The following RNF135 variants were observed in gnomAD, a reference collection of about 807,000 sequenced individuals.
RNF135 encodes the protein ring finger protein 135, also known as E3 ubiquitin-protein ligase RNF135.
RNF135 carries 46 observed loss-of-function variants against 41.9 expected under a neutral mutation model. The ratio of observed to expected loss-of-function variants is 1.10; its 90% CI spans 0.87 to 1.40. RNF135 has a LOEUF of 1.40. Among genes scored for constraint, RNF135 ranks in the 40% most tolerant of loss-of-function variants. RNF135 has a pLI of 0.00. For synonymous variants in RNF135, 238 were observed against 223.8 expected, an observed-to-expected ratio of 1.06 and a Z score of -0.57; for missense variants, 539 against 549.8, an observed-to-expected ratio of 0.98 and a Z score of 0.20.
At chr17:30,993,528 T>C (rs1408215463) in intron 3 of RNF135, among the ~76,000 whole-genome samples, 1 of 152,114 alleles carries the variant, frequency 6.6e-6, no homozygotes, top group East Asian at 1.9e-4. Flanking sequence ...AAGTAAGATT[T>C]GTGTAGTGCC....
the RNF135 span, among the ~76,000 whole-genome samples, chr17:30,962,797 G>C: frequency 6.6e-6 from 1 of 151,978 alleles, no homozygotes; most frequent in Admixed American, 6.6e-5. Flanking sequence ...CAAGAACCAG[G>C]GTATCACAAT....
chr17:30,988,088 C>T lies in RNF135; in HGVS notation c.661C>T (p.Pro221Ser), dbSNP rs1299866153. Residue 221 changes from proline to serine, a missense_variant, in exon 3 of 5, where the codon CCT (proline) becomes TCT (serine). Physicochemically the swap from Pro to Ser is moderately conservative, Grantham distance 74. Coordinates refer to ENST00000328381, the MANE Select transcript of RNF135 (RefSeq NM_032322.4). ...AGAAAGCGTCACCTGGAAAGAGGCTCCTGAAGCACAAATGCAGGGTGAGCT... is the reference window on the plus strand; with the variant it reads ...AGAAAGCGTCACCTGGAAAGAGGCTTCTGAAGCACAAATGCAGGGTGAGCT... ...LQESVTWKEA[P>S]EAQMQGELLE... 4 of 1,613,972 alleles carry T rather than the reference C, an allele frequency of 2.5e-6. No individual in the cohort carries two copies. The Admixed American group carries it at 6.7e-5, about 27-fold the overall frequency.
intron 3 of RNF135, chr17:30,993,746 C>A: frequency 2.1e-6 from 2 of 947,934 alleles, no homozygotes; most frequent in East Asian, 2.7e-5. Flanking sequence ...TTTGCAAATG[C>A]TTTTTAAAAA....
chr17:30,998,605 A>T, intron 4 of RNF135, 57 bp from the exon 5 acceptor site: 2 of 1,561,550 alleles, frequency 1.3e-6, no homozygotes, highest in Non-Finnish European at 1.8e-6. Context: ...ACTTCTTAGC[A>T]TGGACCATCA....
intron 4 of RNF135, among the ~76,000 whole-genome samples, chr17:30,998,404 A>G (rs987963824): frequency 6.6e-6 from 1 of 152,224 alleles, no homozygotes; most frequent in African/African-American, 2.4e-5. Flanking sequence ...ATAAATAAAT[A>G]TAATAAGTGT....
chr17:30,999,503 C>T lies in RNF135; in HGVS notation c.*312C>T. ...CTGGACATTCCAAATAAAGAATAGGCCCCTGCCTGGCTCCTGGGAGATAAC... is the reference window on the plus strand; with the variant it reads ...CTGGACATTCCAAATAAAGAATAGGTCCCTGCCTGGCTCCTGGGAGATAAC... On this transcript the variant is annotated 3_prime_UTR_variant, in exon 5 of 5. Transcript: ENST00000328381. 1 of 372,644 alleles carries T rather than the reference C, an allele frequency of 2.7e-6. No homozygotes were observed. Among genetic ancestry groups the T allele is most frequent in the Non-Finnish European group, 5.1e-6 (1 of 195,366 alleles). The allele number at this position is 372,644 out of a possible 1,614,324, so 23.1% of individuals were successfully genotyped here. A position where few individuals can be genotyped will look rare whatever the true frequency, so the allele number is the denominator to read the frequency against.
chr17:30,991,338 G>A (rs536226749), intron 3 of RNF135, among the ~76,000 whole-genome samples: 1 of 151,904 alleles, frequency 6.6e-6, no homozygotes, highest in African/African-American at 2.4e-5. Flanking sequence ...CCTCCAGCCT[G>A]GGCAACAAGA....
At chr17:30,963,270 T>C in the RNF135 span, among the ~76,000 whole-genome samples, 1 of 151,696 alleles carries the variant, frequency 6.6e-6, no homozygotes, top group Non-Finnish European at 1.5e-5. Context: ...CACAGTGCCC[T>C]GCTTGCCTTT....
At position 30,993,270 on chromosome 17, in the gene RNF135, G is replaced by T. The variant is rs562715088; in HGVS notation, c.680-3972G>T. Among the ~76,000 whole-genome samples the T allele has an allele frequency of 4.6e-5, 7 of 152,066 alleles. No individual in the cohort carries two copies. In the East Asian group the frequency reaches 7.7e-4, roughly 17 times the overall value. On this transcript the variant is annotated intron_variant, in intron 3 of 4. Coordinates refer to ENST00000328381, the MANE Select transcript of RNF135 (RefSeq NM_032322.4). Reference sequence around the variant, plus strand: ...GAGATGGGGTTTCGCCATGTTGGCCGGGCTGGTCTTGAACTCCTGACCTCA... The same window carrying T: ...GAGATGGGGTTTCGCCATGTTGGCCTGGCTGGTCTTGAACTCCTGACCTCA...
upstream of RNF135, chr17:30,968,840 C>T (rs1415609324): frequency 1.3e-5 from 2 of 152,158 alleles, no homozygotes; most frequent in Non-Finnish European, 2.9e-5. Flanking sequence ...CAGGGAGGCT[C>T]AGGTCAAAGG....
chr17:30,977,789 G>A (rs762980019), intron 1 of RNF135, among the ~76,000 whole-genome samples: 1 of 152,116 alleles, frequency 6.6e-6, no homozygotes, highest in Non-Finnish European at 1.5e-5. Flanking sequence ...GGCTAGTCTC[G>A]AACTCCTGAC....
intron 1 of RNF135, chr17:30,978,809 C>G (rs1906693010): frequency 7.9e-6 from 1 of 126,634 alleles, no homozygotes; most frequent in Admixed American, 8.3e-5. Flanking sequence ...GGTGATGACT[C>G]TTAACGAGCA....
At chr17:30,971,677 A>G (rs1905966651) in intron 1 of RNF135, 2 of 1,341,498 alleles carry the variant, frequency 1.5e-6, no homozygotes, top group Non-Finnish European at 9.5e-7. Flanking sequence ...TAGCTGTTAC[A>G]CAGCTTGGCA....
At chr17:30,996,692 A>G (rs1763150086) in intron 3 of RNF135, among the ~76,000 whole-genome samples, 1 of 152,206 alleles carries the variant, frequency 6.6e-6, no homozygotes, top group African/African-American at 2.4e-5. Context: ...CTTACTTATC[A>G]TCTGCCTGAC....
chr17:30,960,696 GT>G, the RNF135 span, among the ~76,000 whole-genome samples: 1 of 142,580 alleles, frequency 7.0e-6, no homozygotes, highest in Non-Finnish European at 1.5e-5. Context: ...CATTTAATAT[GT>G]AATTTTTATT....
At chr17:30,967,778 G>A (rs559651908), upstream of RNF135, among the ~76,000 whole-genome samples, 1 of 150,564 alleles carries the variant, frequency 6.6e-6, no homozygotes, top group South Asian at 2.1e-4. Flanking sequence ...CTTGGCTCAT[G>A]GCAACCTTCA....
At chr17:30,995,543 G>T (rs1280444467) in intron 3 of RNF135, among the ~76,000 whole-genome samples, 1 of 152,092 alleles carries the variant, frequency 6.6e-6, no homozygotes, top group Non-Finnish European at 1.5e-5. Context: ...TCATGTTGCA[G>T]AATTGAAACT....
At chr17:30,993,040 TTTATTA>T (rs58023443) in intron 3 of RNF135, among the ~76,000 whole-genome samples, 263 of 146,290 alleles carry the variant, frequency 1.8e-3, no homozygotes, top group Middle Eastern at 7.1e-3. Flanking sequence ...GTTTTATTTG[TTTATTA>T]TTATTATTAT....
intron 1 of RNF135, among the ~76,000 whole-genome samples, chr17:30,983,586 T>G (rs1476643987): frequency 6.6e-6 from 1 of 151,254 alleles, no homozygotes; most frequent in African/African-American, 2.4e-5. Flanking sequence ...ACTCTTGACC[T>G]CAGGTGATCC....
Sources: allele counts gnomAD v4.1 joint callset (sites outside exome capture counted in the v4.1 genomes callset), GRCh38; gene constraint gnomAD v4.1.1; transcripts MANE v1.5; gene names NCBI Gene and HGNC (gene_info 2026-07-23, HGNC 2026-07-21).